The following ADD2 variants were observed in gnomAD, a reference collection of about 807,000 sequenced individuals.
ADD2 encodes adducin 2, also known as beta-adducin.
A neutral mutation model predicts 83.0 loss-of-function variants in ADD2; 23 were observed. The ratio of observed to expected loss-of-function variants is 0.28; its 90% CI spans 0.20 to 0.39. The LOEUF (loss-of-function observed/expected upper bound fraction) is 0.39. Among genes scored for constraint, ADD2 ranks in the 10% least tolerant of loss-of-function variants. The pLI, the probability that ADD2 is intolerant of heterozygous loss-of-function variation, is 1.00. For missense variants in ADD2, 758 were observed against 944.9 expected, an observed-to-expected ratio of 0.80 and a Z score of 2.59; for synonymous variants, 375 against 375.4, an observed-to-expected ratio of 1.00 and a Z score of 0.01.
Position 70,676,928 on chromosome 2 carries a change from G to A in ADD2, c.1504-43C>T. On this transcript the variant is annotated intron_variant, in intron 12 of 15. Coordinates refer to ENST00000264436, the MANE Select transcript of ADD2 (RefSeq NM_001617.4). This position sits in a 1 kb window ranked among gnomAD's most constrained non-coding sequence, Gnocchi z 4.8. ...AGGAAGAGTGAGCTGGCTGTTCAGG[G>A]TCAGCGTGGAGTTTGGGAGGGGGCA... The A allele has an allele frequency of 1.3e-6, 2 of 1,598,332 alleles. No individual in the cohort carries two copies. The highest frequency in any genetic ancestry group is 1.1e-5 in the South Asian group (1 of 88,924).
chr2:70,763,207 G>T (rs1675207434), intron 1 of ADD2, among the ~76,000 whole-genome samples: 1 of 151,890 alleles, frequency 6.6e-6, no homozygotes, highest in African/African-American at 2.4e-5. Flanking sequence ...AGTTTATCTT[G>T]GAAGACAGAC....
At chr2:70,672,410 A>T (rs1669932412) in intron 15 of ADD2, among the ~76,000 whole-genome samples, 2 of 152,176 alleles carry the variant, frequency 1.3e-5, no homozygotes, top group Non-Finnish European at 2.9e-5. Context: ...AAGAATCAAG[A>T]CGGTTAAAGC....
intron 1 of ADD2, among the ~76,000 whole-genome samples, chr2:70,753,270 A>G (rs550752301): frequency 8.5e-5 from 13 of 152,200 alleles, no homozygotes; most frequent in Non-Finnish European, 1.5e-4. Flanking sequence ...AGAGGCCATT[A>G]GATTTGGCAA....
At chr2:70,726,372 C>T (rs2104453381) in intron 1 of ADD2, among the ~76,000 whole-genome samples, 1 of 152,182 alleles carries the variant, frequency 6.6e-6, no homozygotes, top group East Asian at 1.9e-4. Flanking sequence ...AAGCCATTGA[C>T]CTTTAGTGGC....
rs939340719 is a variant in ADD2, at chr2:70,663,241, C to A, written c.*184G>T. 1 of 668,996 alleles carries A rather than the reference C, an allele frequency of 1.5e-6. No homozygotes were observed. The highest frequency in any genetic ancestry group is 2.5e-6 in the Non-Finnish European group (1 of 401,648). 41.4% of individuals were successfully genotyped at this position (668,996 alleles called of 1,614,324 possible). A position where few individuals can be genotyped will look rare whatever the true frequency, so the allele number is the denominator to read the frequency against. ...ACTAGCTGTGTGACCTTGGGCAAGT[C>A]ACCTGATTTCTCTTGGGCAACTGTA... On this transcript the variant is annotated 3_prime_UTR_variant, in exon 16 of 16. Transcript: ENST00000264436.
intron 14 of ADD2, 118 bp downstream of exon 14, chr2:70,674,560 G>A (rs532182997): frequency 2.2e-4 from 254 of 1,147,666 alleles, no homozygotes; most frequent in Non-Finnish European, 3.0e-4. Flanking sequence ...GTGATTAATG[G>A]AACTACAGTA....
intron 6 of ADD2, among the ~76,000 whole-genome samples, chr2:70,693,725 C>T (rs1671167337): frequency 6.6e-6 from 1 of 152,200 alleles, no homozygotes; most frequent in South Asian, 2.1e-4. Context: ...TTTCCCTCAG[C>T]CCAGCTCCCC....
rs143243316 is a variant in ADD2 at position 70,735,990 on chromosome 2, G to A, written c.-153-22806C>T. On this transcript the variant is annotated intron_variant, in intron 1 of 15. Transcript: ENST00000264436. ...AGTGCTGAGATTACAGGCATGAGCCGCCACACACAGCCCATGTTCCCCCAC... is the reference window on the plus strand; with the variant it reads ...AGTGCTGAGATTACAGGCATGAGCCACCACACACAGCCCATGTTCCCCCAC... Among the ~76,000 whole-genome samples the A allele has an allele frequency of 2.9e-3, 427 of 149,246 alleles. 2 individuals carry two copies. Among genetic ancestry groups the A allele is most frequent in the African/African-American group, 9.8e-3 (398 of 40,648 alleles).
At chr2:70,764,519 T>C (rs149195834) in intron 1 of ADD2, among the ~76,000 whole-genome samples, 2 of 152,044 alleles carry the variant, frequency 1.3e-5, no homozygotes, top group African/African-American at 2.4e-5. Flanking sequence ...GGCCTGCCCA[T>C]GGCTCAAATG....
At chr2:70,699,040 G>A (rs1553373148) in intron 4 of ADD2, among the ~76,000 whole-genome samples, 1 of 152,062 alleles carries the variant, frequency 6.6e-6, no homozygotes, top group Non-Finnish European at 1.5e-5. Flanking sequence ...CAGATTTCCA[G>A]GCATCCATCT....
chr2:70,749,861 AC>A (rs1553382634), intron 1 of ADD2, among the ~76,000 whole-genome samples: 3 of 152,148 alleles, frequency 2.0e-5, no homozygotes, highest in Non-Finnish European at 4.4e-5. Flanking sequence ...CGGGTTGCCA[AC>A]CTCTGGACTT....
In ADD2 at chr2:70,657,768, C is replaced by G. The variant is rs782004316; in HGVS notation, c.*5657G>C. 1 of 152,262 alleles carries G rather than the reference C, an allele frequency of 6.6e-6. No individual in the cohort carries two copies. 9.4% of individuals were successfully genotyped at this position (152,262 alleles called of 1,614,324 possible). A position where few individuals can be genotyped will look rare whatever the true frequency, so the allele number is the denominator to read the frequency against. ...TCTCCCACCACCCCCCAAACTCTTA[C>G]GTTTTCTTTAAACTACCTAGAGATA... On this transcript the variant is annotated 3_prime_UTR_variant, in exon 16 of 16. Transcript: ENST00000264436.
chr2:70,665,545 A>G (rs1675752034), intron 15 of ADD2, among the ~76,000 whole-genome samples: 1 of 152,058 alleles, frequency 6.6e-6, no homozygotes, highest in Non-Finnish European at 1.5e-5. Context: ...CCACTCTCCT[A>G]TTCCCACTTC....
intron 1 of ADD2, among the ~76,000 whole-genome samples, chr2:70,723,769 G>A (rs1383835545): frequency 6.6e-6 from 1 of 152,116 alleles, no homozygotes; most frequent in Non-Finnish European, 1.5e-5. Flanking sequence ...GCCGTCTCCT[G>A]ACACACTTGC....
At chr2:70,713,035 C>A (rs1553375735) in intron 2 of ADD2, 31 bp downstream of exon 2, 1 of 953,024 alleles carries the variant, frequency 1.0e-6, no homozygotes, top group African/African-American at 1.8e-5. Flanking sequence ...TGCATCACCC[C>A]CGTCACCACC....
At chr2:70,674,599 G>T in intron 14 of ADD2, 79 bp downstream of exon 14, 1 of 1,416,538 alleles carries the variant, frequency 7.1e-7, no homozygotes, top group Non-Finnish European at 9.6e-7. Context: ...GGGGCAGGAA[G>T]GTCCTCTCTT....
In ADD2 at chr2:70,713,002, G is replaced by A. The variant is rs782328729; in HGVS notation, c.-35+64C>T. On this transcript the variant is annotated intron_variant, in intron 2 of 15. Coordinates refer to ENST00000264436, the MANE Select transcript of ADD2 (RefSeq NM_001617.4). ...GCAAAGGGCCTTGTCTGTACCTCAC[G>A]TGATGGGCCCAGCCAAAAAGTGTGC... 7.1e-6 allele frequency: 5 copies of A among 706,790 alleles called. No individual in the cohort carries two copies. In the African/African-American group the frequency reaches 7.7e-5, roughly 11 times the overall value. The allele number at this position is 706,790 out of a possible 1,614,324, so 43.8% of individuals were successfully genotyped here.
At chr2:70,749,289 A>G (rs1178717942) in intron 1 of ADD2, among the ~76,000 whole-genome samples, 3 of 152,188 alleles carry the variant, frequency 2.0e-5, no homozygotes, top group African/African-American at 7.2e-5. Flanking sequence ...CCCTCCCATG[A>G]CACACGGGGA....
At chr2:70,757,292 G>C (rs902160163) in intron 1 of ADD2, among the ~76,000 whole-genome samples, 3 of 146,068 alleles carry the variant, frequency 2.1e-5, no homozygotes, top group Admixed American at 6.8e-5. Flanking sequence ...GATTTGTGGG[G>C]GGGGGGGATT....
Sources: gnomAD v4.1 joint callset for allele counts (sites outside exome capture counted in the v4.1 genomes callset) on GRCh38, gnomAD v4.1.1 for gene constraint, Gnocchi (gnomAD v3.1) non-coding constraint, MANE v1.5 for transcripts, NCBI Gene and HGNC (gene_info 2026-07-23, HGNC 2026-07-21) for gene names.